LINGO2: variants seen among roughly 807,000 people sequenced by gnomAD.
The protein encoded by LINGO2 is leucine rich repeat and Ig domain containing 2, also known as leucine-rich repeat and immunoglobulin-like domain-containing nogo receptor-interacting protein 2.
LINGO2 carries 14 observed loss-of-function variants against 30.6 expected under a neutral mutation model. The ratio of observed to expected loss-of-function variants is 0.46; its 90% CI spans 0.30 to 0.72. LINGO2 has a LOEUF of 0.72. Among genes scored for constraint, LINGO2 ranks in the 30% least tolerant of loss-of-function variants. The pLI, the probability that LINGO2 is intolerant of heterozygous loss-of-function variation, is 0.07. For synonymous variants in LINGO2, 317 were observed against 288.5 expected (o/e 1.10, Z -1.00); for missense variants, 729 against 751.7 (o/e 0.97, Z 0.35).
intron 4 of LINGO2, among the ~76,000 whole-genome samples, chr9:28,190,542 G>A (rs371213811): frequency 2.6e-5 from 4 of 152,188 alleles, no homozygotes; most frequent in East Asian, 1.9e-4. Context: ...GAGTTCTCTC[G>A]TTTCTTCTGC....
intron 1 of LINGO2, among the ~76,000 whole-genome samples, chr9:28,661,161 T>C (rs926060920): frequency 6.6e-6 from 1 of 152,146 alleles, no homozygotes; most frequent in Non-Finnish European, 1.5e-5. Context: ...TATATATATA[T>C]GCTGGGTCAG....
At chr9:28,570,253 G>C (rs932556528) in intron 1 of LINGO2, among the ~76,000 whole-genome samples, 1 of 151,840 alleles carries the variant, frequency 6.6e-6, no homozygotes, top group East Asian at 1.9e-4. Context: ...AACAGGAAAT[G>C]GTTTAGATAA....
At chr9:28,924,780 T>A in the LINGO2 span, among the ~76,000 whole-genome samples, 1 of 152,246 alleles carries the variant, frequency 6.6e-6, no homozygotes, top group African/African-American at 2.4e-5. Context: ...CATTTATGTG[T>A]CCGATGTCAG....
chr9:28,435,805 G>T (rs1823898359), intron 2 of LINGO2, among the ~76,000 whole-genome samples: 1 of 152,006 alleles, frequency 6.6e-6, no homozygotes, highest in African/African-American at 2.4e-5. Context: ...GAGCAATTGG[G>T]GTCAATGGAG....
At chr9:28,136,938 A>G (rs1004721649) in intron 4 of LINGO2, among the ~76,000 whole-genome samples, 2 of 152,166 alleles carry the variant, frequency 1.3e-5, no homozygotes, top group African/African-American at 4.8e-5. Flanking sequence ...AGGGAGAATT[A>G]GATTTTTCCG....
intron 1 of LINGO2, among the ~76,000 whole-genome samples, chr9:28,542,377 C>T (rs569883457): frequency 2.0e-5 from 3 of 151,916 alleles, no homozygotes; most frequent in African/African-American, 7.2e-5. Context: ...TTCCTATCTA[C>T]CAGAGAGGCC....
intron 1 of LINGO2, among the ~76,000 whole-genome samples, chr9:28,605,735 C>T (rs1254845603): frequency 6.6e-6 from 1 of 152,012 alleles, no homozygotes; most frequent in African/African-American, 2.4e-5. Context: ...GGTGTGCAAA[C>T]TGCAGCTTGT....
chr9:28,611,817 A>T (rs1485300482), intron 1 of LINGO2, among the ~76,000 whole-genome samples: 1 of 148,746 alleles, frequency 6.7e-6, no homozygotes, highest in Non-Finnish European at 1.5e-5. Context: ...ATTTTATTTT[A>T]TTTATTTATT....
intron 1 of LINGO2, among the ~76,000 whole-genome samples, chr9:28,483,038 AG>A (rs1187302070): frequency 6.6e-6 from 1 of 152,146 alleles, no homozygotes; most frequent in East Asian, 1.9e-4. Context: ...ATTGTAAAGA[AG>A]AATTAAATAG....
At chr9:28,524,719 C>G (rs1038175475) in intron 1 of LINGO2, among the ~76,000 whole-genome samples, 1 of 152,164 alleles carries the variant, frequency 6.6e-6, no homozygotes, top group Non-Finnish European at 1.5e-5. Context: ...CGCCATTGCA[C>G]TTTAGCCTGG....
chr9:29,079,178 G>A, the LINGO2 span, among the ~76,000 whole-genome samples: 3 of 151,904 alleles, frequency 2.0e-5, no homozygotes, highest in African/African-American at 7.2e-5. Flanking sequence ...GTGCTCTGTG[G>A]ATGAGCTGGA....
intron 4 of LINGO2, among the ~76,000 whole-genome samples, chr9:28,225,520 A>G (rs1260790562): frequency 6.6e-6 from 1 of 152,148 alleles, no homozygotes; most frequent in African/African-American, 2.4e-5. Context: ...GAAAAGGCCA[A>G]TAGTTTTAAA....
the LINGO2 span, among the ~76,000 whole-genome samples, chr9:28,794,594 A>G: frequency 6.6e-6 from 1 of 152,118 alleles, no homozygotes; most frequent in Non-Finnish European, 1.5e-5. Context: ...TCATTAACAG[A>G]CTACTACCTT....
rs544641281 is a variant in LINGO2 at position 28,494,925 on chromosome 9, T to C, written c.-364-18900A>G. 7.9e-5 allele frequency among the ~76,000 whole-genome samples: 12 copies of C among 152,360 alleles called. No homozygotes were observed. The East Asian group carries it at 1.7e-3, about 22-fold the overall frequency. On this transcript the variant is annotated intron_variant, in intron 1 of 5. Coordinates refer to ENST00000379992, the Ensembl canonical transcript of LINGO2. ...GATTGCCATTCTAACTGCTGTGAGATGGTATCACACTGTGGTTTTGATTTG... is the reference window on the plus strand; with the variant it reads ...GATTGCCATTCTAACTGCTGTGAGACGGTATCACACTGTGGTTTTGATTTG...
chr9:28,633,713 C>A (rs2135894480), intron 1 of LINGO2, among the ~76,000 whole-genome samples: 1 of 152,278 alleles, frequency 6.6e-6, no homozygotes, highest in East Asian at 1.9e-4. Context: ...GACGCTCCTT[C>A]CAACAATAAA....
chr9:27,953,912 C>A, intron 5 of LINGO2, among the ~76,000 whole-genome samples: 1 of 152,016 alleles, frequency 6.6e-6, no homozygotes, highest in East Asian at 1.9e-4. Context: ...AAGGAGAAAA[C>A]TGGAAGGATA....
chr9:29,178,353 T>A, the LINGO2 span, among the ~76,000 whole-genome samples: 1 of 152,096 alleles, frequency 6.6e-6, no homozygotes, highest in Non-Finnish European at 1.5e-5. Flanking sequence ...TTTCCTAGTC[T>A]AAGCCCTTAT....
chr9:28,245,954 T>C (rs1821982432), intron 4 of LINGO2, among the ~76,000 whole-genome samples: 1 of 152,122 alleles, frequency 6.6e-6, no homozygotes, highest in Admixed American at 6.5e-5. Context: ...ACTTTAAATT[T>C]CATGTGGAAT....
chr9:28,536,320 G>A (rs1821435598), intron 1 of LINGO2, among the ~76,000 whole-genome samples: 1 of 151,988 alleles, frequency 6.6e-6, no homozygotes, highest in South Asian at 2.1e-4. Context: ...TTACTAGTTA[G>A]GGATTTTTAC....
Sources: allele counts gnomAD v4.1 joint callset (sites outside exome capture counted in the v4.1 genomes callset), GRCh38; gene constraint gnomAD v4.1.1; transcripts MANE v1.5; gene names NCBI Gene and HGNC (gene_info 2026-07-23, HGNC 2026-07-21).